The following METTL2A variants were observed in gnomAD, a reference collection of about 807,000 sequenced individuals.
The protein encoded by METTL2A is tRNA N(3)-cytidine methyltransferase METTL2A.
In METTL2A, 45 loss-of-function variants were observed where a neutral mutation model predicts 49.4. The ratio of observed to expected loss-of-function variants is 0.91; its 90% CI spans 0.72 to 1.17. The LOEUF is 1.17. Among genes scored for constraint, METTL2A ranks in the 50% most tolerant of loss-of-function variants. The pLI, the probability that METTL2A is intolerant of heterozygous loss-of-function variation, is 0.00. For synonymous variants in METTL2A, 118 were observed against 167.5 expected (o/e 0.70, Z 2.28); for missense variants, 361 against 462.2 (o/e 0.78, Z 2.01).
At position 62,434,990 on chromosome 17, in the gene METTL2A, ATTGAT is replaced by A. The variant is rs201941020; in HGVS notation, c.609-237_609-233del. ...TTCTGTAGGTGGAAAAAGAGAAGAC[ATTGAT>A]TTGAAACTCCCTGGTTGTTTTATAA... On this transcript the variant is annotated intron_variant, in intron 4 of 8. Transcript: ENST00000311506. 7.3e-3 allele frequency: 3,714 copies of A among 512,092 alleles called. 71 individuals carry two copies. Among genetic ancestry groups the A allele is most frequent in the African/African-American group, 0.065 (3,389 of 52,214 alleles). The allele number at this position is 512,092 out of a possible 1,614,324, so 31.7% of individuals were successfully genotyped here. A position where few individuals can be genotyped will look rare whatever the true frequency, so the allele number is the denominator to read the frequency against.
intron 6 of METTL2A, among the ~76,000 whole-genome samples, chr17:62,443,730 C>T (rs2070751305): frequency 6.6e-6 from 1 of 152,130 alleles, no homozygotes; most frequent in African/African-American, 2.4e-5. Flanking sequence ...GCTAGGATTA[C>T]AGGTGCCTGC....
chr17:62,441,925 T>C (rs1007524736), intron 6 of METTL2A, among the ~76,000 whole-genome samples: 2 of 151,496 alleles, frequency 1.3e-5, no homozygotes, highest in African/African-American at 4.9e-5. Context: ...ATTTTTTTTT[T>C]TTAGTAGAGA....
At chr17:62,435,106 T>C (rs1278221778) in intron 4 of METTL2A, 126 bp from the exon 5 acceptor site, 12 of 1,389,194 alleles carry the variant, frequency 8.6e-6, no homozygotes, top group Non-Finnish European at 1.2e-5. Flanking sequence ...TTGTGACTAA[T>C]AGATACAGTT....
chr17:62,436,573 A>C (rs1221734268), intron 5 of METTL2A, among the ~76,000 whole-genome samples: 1 of 152,178 alleles, frequency 6.6e-6, no homozygotes, highest in Non-Finnish European at 1.5e-5. Flanking sequence ...AGAAAGAAAA[A>C]AAAATAGTTT....
At chr17:62,426,909 A>G (rs1460503963) in intron 3 of METTL2A, among the ~76,000 whole-genome samples, 1 of 152,258 alleles carries the variant, frequency 6.6e-6, no homozygotes, top group South Asian at 2.1e-4. Flanking sequence ...TATTAATGGC[A>G]TCATGCTGTA....
At chr17:62,438,424 A>T (rs1464962701) in intron 5 of METTL2A, among the ~76,000 whole-genome samples, 4 of 149,956 alleles carry the variant, frequency 2.7e-5, no homozygotes, top group African/African-American at 9.9e-5. Flanking sequence ...AAAAAAAAAA[A>T]TACAAAAACT....
At position 62,449,364 on chromosome 17, in the gene METTL2A, G is replaced by A; in HGVS notation, c.*635G>A. 2.2e-6 allele frequency: 1 copy of A among 451,370 alleles called. No individual in the cohort carries two copies. Among genetic ancestry groups the A allele is most frequent in the Non-Finnish European group, 4.4e-6 (1 of 225,628 alleles). 28.0% of individuals were successfully genotyped at this position (451,370 alleles called of 1,614,324 possible). On this transcript the variant is annotated 3_prime_UTR_variant, in exon 9 of 9. Transcript: ENST00000311506. ...CCTGACAAAAAAAAATGACCCTACA[G>A]AGAGCATCAAAATGTGGTGTTCTTG...
At chr17:62,430,253 T>G (rs1257942934) in intron 4 of METTL2A, among the ~76,000 whole-genome samples, 1 of 152,212 alleles carries the variant, frequency 6.6e-6, no homozygotes, top group Non-Finnish European at 1.5e-5. Flanking sequence ...GGAACCCACC[T>G]CAAATGGGAG....
chr17:62,438,459 G>A (rs1268183065), intron 5 of METTL2A, among the ~76,000 whole-genome samples: 1 of 150,702 alleles, frequency 6.6e-6, no homozygotes, highest in Admixed American at 6.6e-5. Context: ...GCATGCACCT[G>A]TAATCCCAGC....
rs566735481 is a variant in METTL2A at position 62,451,592 on chromosome 17, A to C, written c.*2863A>C. 1.3e-5 allele frequency among the ~76,000 whole-genome samples: 2 copies of C among 151,840 alleles called. No individual in the cohort carries two copies. The highest frequency in any genetic ancestry group is 6.5e-5 in the Admixed American group (1 of 15,274). Reference sequence around the variant, plus strand: ...AGCCTGGCCAACTTAATGAAACCCCATCACTGCTAACAATACAGACCTGGC... The same window carrying C: ...AGCCTGGCCAACTTAATGAAACCCCCTCACTGCTAACAATACAGACCTGGC... On this transcript the variant is annotated 3_prime_UTR_variant, in exon 9 of 9. Transcript: ENST00000311506.
intron 3 of METTL2A, 86 bp downstream of exon 3, chr17:62,426,740 G>A: frequency 1.0e-6 from 1 of 979,078 alleles, no homozygotes; most frequent in East Asian, 2.5e-5. Context: ...GACAACAAAA[G>A]TAACTTCTAT....
intron 5 of METTL2A, among the ~76,000 whole-genome samples, chr17:62,439,724 G>C (rs1013023996): frequency 6.6e-6 from 1 of 151,740 alleles, no homozygotes; most frequent in African/African-American, 2.4e-5. Flanking sequence ...GAACCACCGC[G>C]TGCTTATTTA....
chr17:62,437,454 G>A (rs369743080), intron 5 of METTL2A, among the ~76,000 whole-genome samples: 3 of 152,024 alleles, frequency 2.0e-5, no homozygotes, highest in Middle Eastern at 3.4e-3. Flanking sequence ...AATTTTGCAC[G>A]CGGCCCCAAC....
chr17:62,439,381 AG>A (rs1197696811), intron 5 of METTL2A, among the ~76,000 whole-genome samples: 3 of 152,110 alleles, frequency 2.0e-5, no homozygotes, highest in African/African-American at 7.2e-5. Context: ...CTGGGATTCT[AG>A]GCGTGAGCCA....
intron 2 of METTL2A, 131 bp from the exon 3 acceptor site, chr17:62,426,168 C>G (rs2070624889): frequency 1.2e-6 from 1 of 811,192 alleles, no homozygotes; most frequent in African/African-American, 1.7e-5. Context: ...GCCTTCAGTT[C>G]TGGGACTGTG....
chr17:62,447,021 A>G (rs562317612), intron 7 of METTL2A, among the ~76,000 whole-genome samples: 1 of 152,338 alleles, frequency 6.6e-6, no homozygotes, highest in Admixed American at 6.5e-5. Context: ...AGTTGTATTT[A>G]TGATTCTGTA....
intron 4 of METTL2A, among the ~76,000 whole-genome samples, chr17:62,428,493 C>T (rs141729870): frequency 0.02 from 3,007 of 152,290 alleles, 121 homozygotes; most frequent in African/African-American, 0.068. Flanking sequence ...GACTGCCCCC[C>T]ACTTCAGATG....
chr17:62,439,759 C>T (rs1249101952), intron 5 of METTL2A, among the ~76,000 whole-genome samples: 3 of 151,562 alleles, frequency 2.0e-5, no homozygotes, highest in Admixed American at 6.6e-5. Context: ...TCTCTCCTTA[C>T]GAATGTTTTT....
chr17:62,431,084 C>T (rs1306911086), intron 4 of METTL2A, among the ~76,000 whole-genome samples: 2 of 151,930 alleles, frequency 1.3e-5, no homozygotes, highest in East Asian at 3.9e-4. Flanking sequence ...AGGCTGGTTT[C>T]GAACTCCCGA....
Sources: gnomAD v4.1 joint callset for allele counts (sites outside exome capture counted in the v4.1 genomes callset) on GRCh38, gnomAD v4.1.1 for gene constraint, MANE v1.5 for transcripts, NCBI Gene and HGNC (gene_info 2026-07-23, HGNC 2026-07-21) for gene names.